The following P4HA3 variants were observed in gnomAD, a reference collection of about 807,000 sequenced individuals.
P4HA3 encodes the protein prolyl 4-hydroxylase subunit alpha-3.
P4HA3 carries 60 observed loss-of-function variants against 66.7 expected under a neutral mutation model. The observed-to-expected ratio is 0.90, with a 90% CI of 0.73 to 1.12. The LOEUF (loss-of-function observed/expected upper bound fraction) is 1.12, where lower values mean the gene tolerates loss of function less well. Among genes scored for constraint, P4HA3 ranks in the 50% most tolerant of loss-of-function variants. The probability of loss-of-function intolerance (pLI) is 0.00; values close to 1 mark genes in which losing one functional copy is unlikely to be tolerated. For missense variants in P4HA3, 683 were observed against 685.8 expected, an observed-to-expected ratio of 1.00 and a Z score of 0.05; for synonymous variants, 263 against 274.6, an observed-to-expected ratio of 0.96 and a Z score of 0.42.
At chr11:74,261,046 T>A (rs1048180285) in intron 14 of P4HA3, among the ~76,000 whole-genome samples, 1 of 152,208 alleles carries the variant, frequency 6.6e-6, no homozygotes, top group South Asian at 2.1e-4. Context: ...GACCCACCTG[T>A]GCTATAGCTT....
Position 74,289,114 on chromosome 11 carries a change from C to T in P4HA3, c.734G>A (p.Cys245Tyr), listed in dbSNP as rs570660725. ...AAACTCCCGAGAGAGGCTGAGGGCA[C>T]ACGAAACATTTCCTGCCTGTTAAAA... ...FAYFRAGNVS[C>Y]ALSLSREFLL... The change falls in exon 5 of 13, where the codon TGT becomes TAT. Residue 245 changes from cysteine (C) to tyrosine (Y), a missense_variant. Coordinates refer to ENST00000331597, the MANE Select transcript of P4HA3 (RefSeq NM_182904.5). 59 of 1,570,026 alleles carry T rather than the reference C, an allele frequency of 3.8e-5. No individual in the cohort carries two copies. The South Asian group carries it at 6.8e-4, about 18-fold the overall frequency.
At position 74,279,412 on chromosome 11, in the gene P4HA3, TG is replaced by T; in HGVS notation, c.1150del (p.Gln384LysfsTer12). 1 of 1,613,932 alleles carries T rather than the reference TG, an allele frequency of 6.2e-7. No homozygotes were observed. Among genetic ancestry groups the T allele is most frequent in the Non-Finnish European group, 8.5e-7 (1 of 1,179,848 alleles). On this transcript the variant is annotated frameshift_variant, in exon 8 of 13. Transcript: ENST00000331597. LOFTEE classifies it high-confidence loss of function. Reference sequence around the variant, plus strand: ...CCTTTTGCTGATGCGGTACTCCACTTGTAACTGCTTCTCCCCTGATGCCACC... The same window carrying T: ...CCTTTTGCTGATGCGGTACTCCACTTTAACTGCTTCTCCCCTGATGCCACC... ...SVVASGEKQL[Q>X]VEYRISKSAW...
downstream of P4HA3, among the ~76,000 whole-genome samples, chr11:74,262,238 C>A (rs1187132466): frequency 1.3e-5 from 2 of 152,132 alleles, no homozygotes; most frequent in Non-Finnish European, 2.9e-5. Context: ...TGAGATAATC[C>A]TTGATTACAC....
intron 15 of P4HA3, chr11:74,251,775 A>G: frequency 6.3e-7 from 1 of 1,583,374 alleles, no homozygotes; most frequent in Non-Finnish European, 8.7e-7. Context: ...ACAAGCAGAC[A>G]CTTGTAGGAC....
intron 15 of P4HA3, among the ~76,000 whole-genome samples, chr11:74,255,463 A>C (rs773070937): frequency 3.3e-5 from 5 of 152,152 alleles, no homozygotes; most frequent in Non-Finnish European, 7.3e-5. Context: ...AGAGTGTCTA[A>C]ATTAGAACCC....
chr11:74,265,471 C>T (rs1024595425), downstream of P4HA3, among the ~76,000 whole-genome samples: 12 of 152,196 alleles, frequency 7.9e-5, no homozygotes, highest in African/African-American at 2.2e-4. Flanking sequence ...ATCCAACCAC[C>T]CAGTCCTTGC....
chr11:74,297,839 C>T (rs1861276500), intron 4 of P4HA3, among the ~76,000 whole-genome samples: 1 of 152,144 alleles, frequency 6.6e-6, no homozygotes, highest in Non-Finnish European at 1.5e-5. Flanking sequence ...TTGCTGAGAG[C>T]ACAAAAGAGT....
chr11:74,289,327 T>G (rs1860922379), intron 4 of P4HA3, among the ~76,000 whole-genome samples, 197 bp from the exon 5 acceptor site: 1 of 152,148 alleles, frequency 6.6e-6, no homozygotes. Context: ...ACCAGTCTCC[T>G]CATTTACTAA....
At position 74,267,160 on chromosome 11, in the gene P4HA3, C is replaced by T; in HGVS notation, c.*88G>A. ...GACAAGGCCTTCTTCCAGGAGGCTGCTCTGCTTTCTCCTCTCCTACCCCAG... is the reference window on the plus strand; with the variant it reads ...GACAAGGCCTTCTTCCAGGAGGCTGTTCTGCTTTCTCCTCTCCTACCCCAG... On this transcript the variant is annotated 3_prime_UTR_variant, in exon 13 of 13. Coordinates refer to ENST00000331597, the MANE Select transcript of P4HA3 (RefSeq NM_182904.5). 3 of 1,595,446 alleles carry T rather than the reference C, an allele frequency of 1.9e-6. No homozygotes were observed. Among genetic ancestry groups the T allele is most frequent in the Non-Finnish European group, 2.6e-6 (3 of 1,172,550 alleles).
At chr11:74,299,710 C>T (rs1423245376) in intron 3 of P4HA3, among the ~76,000 whole-genome samples, 10 of 137,580 alleles carry the variant, frequency 7.3e-5, no homozygotes, top group Non-Finnish European at 1.6e-4. Flanking sequence ...GTACCAGAAA[C>T]AAAAAAGGGC....
downstream of P4HA3, among the ~76,000 whole-genome samples, chr11:74,263,058 C>G (rs1458791804): frequency 6.6e-6 from 1 of 152,246 alleles, no homozygotes; most frequent in African/African-American, 2.4e-5. Flanking sequence ...TCAGCATATT[C>G]TGGCCATAGG....
intron 15 of P4HA3, chr11:74,254,778 G>A (rs1436479483): frequency 6.5e-6 from 1 of 152,688 alleles, no homozygotes; most frequent in Non-Finnish European, 1.5e-5. Context: ...ATTGGACTTA[G>A]TTGTCATGGA....
At chr11:74,287,532 T>C (rs1860841068) in intron 5 of P4HA3, among the ~76,000 whole-genome samples, 1 of 152,242 alleles carries the variant, frequency 6.6e-6, no homozygotes, top group Admixed American at 6.5e-5. Flanking sequence ...GGTTGGATTA[T>C]AATTTTGTTT....
At chr11:74,280,926 C>A (rs1860570016) in intron 7 of P4HA3, among the ~76,000 whole-genome samples, 1 of 152,182 alleles carries the variant, frequency 6.6e-6, no homozygotes, top group South Asian at 2.1e-4. Flanking sequence ...AAACTACCAT[C>A]AGAGTGAACA....
chr11:74,311,356 C>T (rs1355333846), intron 1 of P4HA3, 56 bp downstream of exon 1: 1 of 1,415,188 alleles, frequency 7.1e-7, no homozygotes. Flanking sequence ...CCCCACCCTG[C>T]GGCACAGTGT....
chr11:74,298,149 A>G, intron 4 of P4HA3, 63 bp downstream of exon 4: 2 of 1,540,788 alleles, frequency 1.3e-6, no homozygotes, highest in Non-Finnish European at 8.8e-7. Flanking sequence ...TAGAAATTGT[A>G]AAGCAGCTAT....
intron 9 of P4HA3, among the ~76,000 whole-genome samples, chr11:74,274,593 A>G (rs145765323): frequency 0.04 from 6,047 of 152,060 alleles, 128 homozygotes; most frequent in Middle Eastern, 0.11. Context: ...GATTACAGGC[A>G]TGAGCCACCG....
intron 4 of P4HA3, among the ~76,000 whole-genome samples, chr11:74,296,649 T>C (rs947394912): frequency 2.6e-5 from 4 of 152,112 alleles, no homozygotes; most frequent in Non-Finnish European, 5.9e-5. Context: ...AAACAGGATG[T>C]GGAAAGCAAG....
chr11:74,301,019 T>A (rs1861389872), intron 3 of P4HA3, among the ~76,000 whole-genome samples: 1 of 152,086 alleles, frequency 6.6e-6, no homozygotes, highest in Non-Finnish European at 1.5e-5. Flanking sequence ...AAGCTGGACT[T>A]AAAAGGGCAC....
Sources: allele counts gnomAD v4.1 joint callset (sites outside exome capture counted in the v4.1 genomes callset), GRCh38; gene constraint gnomAD v4.1.1; transcripts MANE v1.5; gene names NCBI Gene and HGNC (gene_info 2026-07-23, HGNC 2026-07-21).